FDXR: variants seen among roughly 807,000 people sequenced by gnomAD.
FDXR encodes the protein ferredoxin reductase.
In FDXR, 38 loss-of-function variants were observed where a neutral mutation model predicts 58.3. The ratio of observed to expected loss-of-function variants is 0.65; its 90% CI spans 0.50 to 0.85. FDXR has a LOEUF of 0.85. Ranked by LOEUF, FDXR falls within the 40% of genes least tolerant of loss-of-function variation. FDXR has a pLI of 0.00. For missense variants in FDXR, 624 were observed against 671.0 expected, an observed-to-expected ratio of 0.93 and a Z score of 0.77; for synonymous variants, 275 against 273.8, an observed-to-expected ratio of 1.00 and a Z score of -0.04.
chr17:74,864,048 C>T lies in FDXR; in HGVS notation c.1022G>A (p.Arg341His), dbSNP rs376509346. The T allele has an allele frequency of 4.4e-5, 71 of 1,613,960 alleles. No individual in the cohort carries two copies. The African/African-American group carries it at 6.9e-4, about 16-fold the overall frequency. Reference sequence around the variant, plus strand: ...TTCCATGTCTCCCGTGGGCACTGCACGGGTGGCCTCATCGACACCCTGTTG... The same window carrying T: ...TTCCATGTCTCCCGTGGGCACTGCATGGGTGGCCTCATCGACACCCTGTTG... ...TRLEGVDEAT[R>H]AVPTGDMEDL... The change falls in exon 10 of 12, where the codon CGT becomes CAT. Residue 341 changes from arginine (R) to histidine (H), a missense_variant. By Grantham distance (29) the Arg-to-His change is conservative. Coordinates refer to ENST00000293195, the MANE Select transcript of FDXR (RefSeq NM_024417.5).
intron 2 of FDXR, chr17:74,868,785 C>A: frequency 6.8e-7 from 1 of 1,463,956 alleles, no homozygotes. Flanking sequence ...CCTCCCTCCT[C>A]CCTGAGGATT....
rs762167321 is a variant in FDXR, at chr17:74,866,969, T to C, written c.178-93A>G. ...CCTTCCCCAGACAGAGCAGGAGAGT[T>C]CAGGACCCTGGGCTGAGAACACAAG... is the stretch of plus-strand genomic sequence containing the variant. On this transcript the variant is annotated intron_variant, in intron 2 of 11. Transcript: ENST00000293195. 8 of 1,550,106 alleles carry C rather than the reference T, an allele frequency of 5.2e-6. No individual in the cohort carries two copies. In the South Asian group the frequency reaches 5.9e-5, roughly 12 times the overall value.
chr17:74,863,675 T>G (rs2038056086), intron 10 of FDXR, among the ~76,000 whole-genome samples: 1 of 152,168 alleles, frequency 6.6e-6, no homozygotes, highest in African/African-American at 2.4e-5. Context: ...AGTAAACGTT[T>G]GTTGAATGAC....
chr17:74,863,335 G>T, intron 10 of FDXR, 89 bp from the exon 11 acceptor site: 1 of 1,274,212 alleles, frequency 7.8e-7, no homozygotes. Context: ...CCACGTGCAC[G>T]CACACAGACA....
rs750342952 is a variant in FDXR at position 74,872,908 on chromosome 17, C to G, written c.37G>C (p.Ala13Pro). Residue 13 changes from alanine to proline, a missense_variant, in exon 1 of 12, where the codon GCG becomes CCG. Ala to Pro is a conservative substitution (Grantham distance 27). Coordinates refer to ENST00000293195, the MANE Select transcript of FDXR (RefSeq NM_024417.5). ...GGAGGCAGCCGGGTCCGAGGCCACG[C>G]CGACCAGCCCCACCAGCGCCAGCAG... The part of the protein sequence containing the change: ...SRCWRWWGWS[A>P]WPRTRLPPAG... The G allele has an allele frequency of 7.7e-6, 12 of 1,554,442 alleles. No homozygotes were observed. The African/African-American group carries it at 1.1e-4, about 14-fold the overall frequency.
chr17:74,866,135 T>C lies in FDXR; in HGVS notation c.503A>G (p.Gln168Arg). Residue 168 changes from glutamine (Q) to arginine (R), a missense_variant, in exon 5 of 12, where the codon CAG (glutamine) becomes CGG (arginine). Coordinates refer to ENST00000293195, the MANE Select transcript of FDXR (RefSeq NM_024417.5). ...GGGCGTGCTCCCCATACTCACCTCC[T>C]GGTTCTCAGGAAGCCCGTTGTACCA... ...VGWYNGLPEN[Q>R]ELEPDLSCDT... 6.2e-7 allele frequency: 1 copy of C among 1,611,248 alleles called. No individual in the cohort carries two copies. Among genetic ancestry groups the C allele is most frequent in the Non-Finnish European group, 8.5e-7 (1 of 1,178,004 alleles).
Position 74,862,949 on chromosome 17 carries a change from T to C in FDXR, c.1346-2A>G. 1 of 1,611,248 alleles carries C rather than the reference T, an allele frequency of 6.2e-7. No individual in the cohort carries two copies. The highest frequency in any genetic ancestry group is 1.3e-5 in the African/African-American group (1 of 75,048). ...CTGAGAAAGAGACTGGCCGGACCCC[T>C]GAAGCAGAGGGGAGATTGTCAACAC... On this transcript the variant is annotated splice_acceptor_variant, in intron 11 of 11. Coordinates refer to ENST00000293195, the MANE Select transcript of FDXR (RefSeq NM_024417.5). LOFTEE classifies it high-confidence loss of function.
intron 6 of FDXR, 66 bp from the exon 7 acceptor site, chr17:74,864,997 T>A: frequency 6.2e-7 from 1 of 1,610,456 alleles, no homozygotes; most frequent in South Asian, 1.1e-5. Flanking sequence ...CTCCATTTGG[T>A]CATGTCCCCA....
chr17:74,871,693 T>C (rs774649155), intron 2 of FDXR, among the ~76,000 whole-genome samples: 2 of 152,044 alleles, frequency 1.3e-5, no homozygotes, highest in Non-Finnish European at 2.9e-5. Flanking sequence ...ATGTTTGGGA[T>C]AGAGTGAAGA....
intron 2 of FDXR, 127 bp downstream of exon 2, chr17:74,871,909 A>G (rs2038385830): frequency 6.2e-6 from 4 of 649,016 alleles, no homozygotes; most frequent in Admixed American, 3.3e-5. Context: ...GGAAGTGTCC[A>G]GGCCAGATGG....
At chr17:74,872,288 G>C in intron 1 of FDXR, 155 bp from the exon 2 acceptor site, 1 of 1,536,310 alleles carries the variant, frequency 6.5e-7, no homozygotes, top group Non-Finnish European at 8.7e-7. Context: ...CATTTGCAGG[G>C]TCTCTTACTT....
Position 74,863,205 on chromosome 17 carries a change from C to T in FDXR, c.1216G>A (p.Val406Ile), listed in dbSNP as rs1298524913. 1.9e-6 allele frequency: 3 copies of T among 1,613,488 alleles called. No homozygotes were observed. Among genetic ancestry groups the T allele is most frequent in the Non-Finnish European group, 8.5e-7 (1 of 1,179,920 alleles). ...CTGTCAGTCATGGTTGTGGCTATGACACCTGTAGGTCCTCTCTTCACCCAG... is the reference window on the plus strand; with the variant it reads ...CTGTCAGTCATGGTTGTGGCTATGATACCTGTAGGTCCTCTCTTCACCCAG... Reference protein sequence around the residue: ...SGWVKRGPTGVIATTMTDSFL... With the variant: ...SGWVKRGPTGIIATTMTDSFL... The change falls in exon 11 of 12, where the codon GTC (valine) becomes ATC (isoleucine). Residue 406 changes from valine to isoleucine, a missense_variant. Transcript: ENST00000293195.
In FDXR at chr17:74,862,724, C is replaced by G; in HGVS notation, c.*93G>C. ...CCTCCAAGCCAGGGCCGGCCGGGAT[C>G]AGCAGAGGTGCAAAGTCCCACTCAG... is the stretch of plus-strand genomic sequence containing the variant. On this transcript the variant is annotated 3_prime_UTR_variant, in exon 12 of 12. Coordinates refer to ENST00000293195, the MANE Select transcript of FDXR (RefSeq NM_024417.5). 1.4e-6 allele frequency: 2 copies of G among 1,472,412 alleles called. No individual in the cohort carries two copies. Among genetic ancestry groups the G allele is most frequent in the Non-Finnish European group, 1.8e-6 (2 of 1,105,206 alleles). The allele number at this position is 1,472,412 out of a possible 1,614,324, so 91.2% of individuals were successfully genotyped here.
chr17:74,868,222 G>T, intron 2 of FDXR: 2 of 452,542 alleles, frequency 4.4e-6, no homozygotes, highest in East Asian at 7.5e-5. Flanking sequence ...CCACGATGTT[G>T]TACCCACAAA....
At position 74,866,779 on chromosome 17, in the gene FDXR, C is replaced by A; in HGVS notation, c.270+5G>T. 1 of 1,614,032 alleles carries A rather than the reference C, an allele frequency of 6.2e-7. No homozygotes were observed. Among genetic ancestry groups the A allele is most frequent in the Non-Finnish European group, 8.5e-7 (1 of 1,179,986 alleles). ...ACCCCAGCCTCCAGGCCCAGAGACACCCACCTTCACCTCGGGGTGATCAGG... is the reference window on the plus strand; with the variant it reads ...ACCCCAGCCTCCAGGCCCAGAGACAACCACCTTCACCTCGGGGTGATCAGG... On this transcript the variant is annotated splice_donor_5th_base_variant and intron_variant, in intron 3 of 11. Transcript: ENST00000293195.
Position 74,863,560 on chromosome 17 carries a change from G to A in FDXR, c.1175-314C>T, listed in dbSNP as rs78683617. Among the ~76,000 whole-genome samples the A allele has an allele frequency of 4.5e-3, 686 of 152,328 alleles. 3 individuals carry two copies. Among genetic ancestry groups the A allele is most frequent in the Admixed American group, 0.011 (173 of 15,308 alleles). ...TACCAAGTGAATTAATCACTAGATA[G>A]GTATGTGGGCACTTAGTAAAACTGG... is the stretch of plus-strand genomic sequence containing the variant. On this transcript the variant is annotated intron_variant, in intron 10 of 11. Transcript: ENST00000293195.
intron 8 of FDXR, 35 bp downstream of exon 8, chr17:74,864,445 C>G: frequency 6.2e-7 from 1 of 1,609,038 alleles, no homozygotes; most frequent in Non-Finnish European, 8.5e-7. Context: ...CCACCCTCTC[C>G]CTAGTAGTTG....
At chr17:74,871,425 T>C (rs1350378917) in intron 2 of FDXR, among the ~76,000 whole-genome samples, 2 of 152,254 alleles carry the variant, frequency 1.3e-5, no homozygotes, top group African/African-American at 4.8e-5. Context: ...TCAGTTAACC[T>C]GGGTATCCCC....
At chr17:74,869,267 G>A (rs959755281) in intron 2 of FDXR, among the ~76,000 whole-genome samples, 4 of 152,214 alleles carry the variant, frequency 2.6e-5, no homozygotes, top group Admixed American at 1.3e-4. Flanking sequence ...TGACTCTTGG[G>A]CCCAGCCACA....
Sources: allele counts gnomAD v4.1 joint callset (sites outside exome capture counted in the v4.1 genomes callset), GRCh38; gene constraint gnomAD v4.1.1; transcripts MANE v1.5; gene names NCBI Gene and HGNC (gene_info 2026-07-23, HGNC 2026-07-21).